Variants in IPCEF1 observed in about 807,000 individuals in gnomAD.
The protein encoded by IPCEF1 is interaction protein for cytohesin exchange factors 1.
In IPCEF1, 31 loss-of-function variants were observed where a neutral mutation model predicts 50.9. That is an observed-to-expected ratio of 0.61 (90% CI 0.46 to 0.82). IPCEF1 has a LOEUF of 0.82. Among genes scored for constraint, IPCEF1 ranks in the 40% least tolerant of loss-of-function variants. The pLI, the probability that IPCEF1 is intolerant of heterozygous loss-of-function variation, is 0.00. For synonymous variants in IPCEF1, 181 were observed against 192.0 expected (o/e 0.94, Z 0.47); for missense variants, 458 against 514.0 (o/e 0.89, Z 1.05).
chr6:154,252,145 T>G (rs1781351480), intron 3 of IPCEF1, among the ~76,000 whole-genome samples: 1 of 152,184 alleles, frequency 6.6e-6, no homozygotes, highest in Admixed American at 6.5e-5. Flanking sequence ...AGAAGTCTCA[T>G]GTTTTGGTCA....
chr6:154,206,152 G>A (rs1231512583), intron 9 of IPCEF1, among the ~76,000 whole-genome samples: 1 of 152,082 alleles, frequency 6.6e-6, no homozygotes, highest in East Asian at 1.9e-4. Context: ...TTTATCAAGA[G>A]GGGCAAGTGA....
chr6:154,174,580 A>G (rs1422364611), intron 10 of IPCEF1, among the ~76,000 whole-genome samples: 1 of 152,248 alleles, frequency 6.6e-6, no homozygotes, highest in African/African-American at 2.4e-5. Context: ...AAAGAAGGGC[A>G]TTACATAATG....
chr6:154,234,534 C>T (rs1447555039), intron 5 of IPCEF1, among the ~76,000 whole-genome samples: 1 of 152,218 alleles, frequency 6.6e-6, no homozygotes, highest in African/African-American at 2.4e-5. Context: ...CCCAACTGCT[C>T]AGCACAACAA....
intron 5 of IPCEF1, among the ~76,000 whole-genome samples, chr6:154,246,117 G>T (rs1164748193): frequency 1.3e-5 from 2 of 152,126 alleles, no homozygotes; most frequent in East Asian, 1.9e-4. Context: ...AAGGTCGGGG[G>T]AAAGAAGGGG....
At chr6:154,313,483 A>G (rs1410264751) in intron 1 of IPCEF1, among the ~76,000 whole-genome samples, 1 of 152,202 alleles carries the variant, frequency 6.6e-6, no homozygotes, top group African/African-American at 2.4e-5. Flanking sequence ...ATGTTTTAAG[A>G]GACTACAAAA....
chr6:154,220,415 G>C (rs946073225), intron 7 of IPCEF1, among the ~76,000 whole-genome samples: 6 of 152,170 alleles, frequency 3.9e-5, no homozygotes, highest in African/African-American at 1.4e-4. Flanking sequence ...CCAGCACTTT[G>C]AGAGGCCGAG....
At chr6:154,337,172 T>C (rs775825938) in intron 1 of IPCEF1, among the ~76,000 whole-genome samples, 10 of 152,150 alleles carry the variant, frequency 6.6e-5, no homozygotes, top group Non-Finnish European at 4.4e-5. Flanking sequence ...ACATACTCAA[T>C]AAATTATAAA....
At chr6:154,277,909 C>G (rs1306835649) in intron 2 of IPCEF1, among the ~76,000 whole-genome samples, 1 of 151,814 alleles carries the variant, frequency 6.6e-6, no homozygotes, top group Non-Finnish European at 1.5e-5. Flanking sequence ...TCCTGTGGTC[C>G]ACCCACTCTC....
chr6:154,183,780 C>T (rs955096880), intron 10 of IPCEF1, among the ~76,000 whole-genome samples: 10 of 152,004 alleles, frequency 6.6e-5, no homozygotes, highest in East Asian at 5.8e-4. Flanking sequence ...CCTCTAGCTA[C>T]GTGGGAGGCT....
chr6:154,321,503 C>G (rs1783374420), intron 1 of IPCEF1, among the ~76,000 whole-genome samples: 1 of 151,950 alleles, frequency 6.6e-6, no homozygotes, highest in Admixed American at 6.6e-5. Context: ...CCAGGTCAGG[C>G]GTTGTGGCTC....
chr6:154,207,177 G>C (rs949251842), intron 9 of IPCEF1, among the ~76,000 whole-genome samples: 1 of 152,214 alleles, frequency 6.6e-6, no homozygotes, highest in Non-Finnish European at 1.5e-5. Context: ...AGAGAGGCTG[G>C]GGGAGAGCCA....
chr6:154,246,483 G>A lies in IPCEF1; in HGVS notation c.246+108C>T, dbSNP rs140296576. On this transcript the variant is annotated intron_variant, in intron 5 of 11. Transcript: ENST00000367220. ...TATAACTTATTTGTTTATTTACTCCGCTCCAATTCCCAGAAATCAAAATGA... is the reference window on the plus strand; with the variant it reads ...TATAACTTATTTGTTTATTTACTCCACTCCAATTCCCAGAAATCAAAATGA... The A allele has an allele frequency of 9.2e-5, 117 of 1,265,304 alleles. 1 individual carries two copies. The East Asian group carries it at 2.0e-3, about 21-fold the overall frequency. 78.4% of individuals were successfully genotyped at this position (1,265,304 alleles called of 1,614,324 possible).
chr6:154,254,172 T>G (rs1481288923), intron 3 of IPCEF1, among the ~76,000 whole-genome samples: 1 of 152,238 alleles, frequency 6.6e-6, no homozygotes, highest in Non-Finnish European at 1.5e-5. Flanking sequence ...GATACCAATT[T>G]CTTGAAATTA....
At chr6:154,207,173 G>A (rs539605897) in intron 9 of IPCEF1, among the ~76,000 whole-genome samples, 4 of 152,314 alleles carry the variant, frequency 2.6e-5, no homozygotes, top group African/African-American at 9.6e-5. Context: ...CAGGAGAGAG[G>A]CTGGGGGAGA....
At chr6:154,247,739 A>T in intron 3 of IPCEF1, 1 of 390,892 alleles carries the variant, frequency 2.6e-6, no homozygotes, top group Non-Finnish European at 4.6e-6. Flanking sequence ...TCCTGTTCCC[A>T]CCCACAAGCC....
chr6:154,207,983 T>C (rs1033410683), intron 9 of IPCEF1, among the ~76,000 whole-genome samples: 1 of 152,190 alleles, frequency 6.6e-6, no homozygotes, highest in Non-Finnish European at 1.5e-5. Context: ...CCCGATGGAA[T>C]CGCTGCCATC....
chr6:154,303,092 CT>C lies in IPCEF1; in HGVS notation c.-61-13337del, dbSNP rs71021038. On this transcript the variant is annotated intron_variant, in intron 1 of 11. Transcript: ENST00000367220. ...CAACTATATTATAGCTATGATAGCACTTTTTTTTTTTTTTTTTTTGACAGAG... is the reference window on the plus strand; with the variant it reads ...CAACTATATTATAGCTATGATAGCACTTTTTTTTTTTTTTTTTTGACAGAG... Among the ~76,000 whole-genome samples the C allele has an allele frequency of 5.0e-3, 602 of 121,380 alleles. 3 individuals are homozygous for C. The highest frequency in any genetic ancestry group is 0.012 in the African/African-American group (389 of 31,248). The allele number at this position is 121,380 out of a possible 152,430, so 79.6% of individuals were successfully genotyped here.
chr6:154,222,304 C>A (rs1778929017), intron 6 of IPCEF1, among the ~76,000 whole-genome samples: 1 of 152,224 alleles, frequency 6.6e-6, no homozygotes, highest in Non-Finnish European at 1.5e-5. Context: ...CCACAAGAAT[C>A]AGCACTGGAC....
chr6:154,311,187 G>A (rs1783070071), intron 1 of IPCEF1, among the ~76,000 whole-genome samples: 1 of 152,020 alleles, frequency 6.6e-6, no homozygotes, highest in Non-Finnish European at 1.5e-5. Flanking sequence ...AAACTGCCAG[G>A]CATTTTGTTC....
Sources: gnomAD v4.1 joint callset for allele counts (sites outside exome capture counted in the v4.1 genomes callset) on GRCh38, gnomAD v4.1.1 for gene constraint, MANE v1.5 for transcripts, NCBI Gene and HGNC (gene_info 2026-07-23, HGNC 2026-07-21) for gene names.